The following DAG1 variants were observed in gnomAD, a reference collection of about 807,000 sequenced individuals.
DAG1 encodes dystroglycan 1 (dystrophin-associated glycoprotein 1).
DAG1 carries 8 observed loss-of-function variants against 46.1 expected under a neutral mutation model. The observed-to-expected ratio is 0.17, with a 90% confidence interval of 0.10 to 0.31. The LOEUF is 0.31. DAG1 is among the 10% of genes least tolerant of loss of function. The pLI is 1.00. For synonymous variants in DAG1, 495 were observed against 481.8 expected (o/e 1.03, Z -0.36); for missense variants, 1,003 against 1,189.9 (o/e 0.84, Z 2.31).
chr3:49,487,260 G>A (rs1484836645), intron 1 of DAG1: 1 of 152,170 alleles, frequency 6.6e-6, no homozygotes, highest in Non-Finnish European at 1.5e-5. Flanking sequence ...CTAGGCACAC[G>A]ACTGTCTATC....
At chr3:49,506,087 C>G (rs955970529) in intron 1 of DAG1, among the ~76,000 whole-genome samples, 3 of 150,404 alleles carry the variant, frequency 2.0e-5, no homozygotes, top group Non-Finnish European at 2.9e-5. Flanking sequence ...TCAAGCGATT[C>G]TCCTGCCTCA....
At chr3:49,498,696 TTTA>T (rs138073019) in intron 1 of DAG1, among the ~76,000 whole-genome samples, 5 of 149,462 alleles carry the variant, frequency 3.3e-5, no homozygotes, top group African/African-American at 4.9e-5. Context: ...TCCCATTTTC[TTTA>T]TTATTATTAT....
chr3:49,484,196 G>A (rs144937320), intron 1 of DAG1, among the ~76,000 whole-genome samples: 83 of 152,298 alleles, frequency 5.4e-4, no homozygotes, highest in African/African-American at 1.7e-3. Context: ...TGTCAGAAGG[G>A]TCAACAGTAT....
Position 49,531,176 on chromosome 3 carries a change from T to C in DAG1, c.665T>C (p.Leu222Pro). Residue 222 changes from leucine to proline, a missense_variant, in exon 3 of 3, where the codon CTT becomes CCT. Around this residue, in one of 3 missense-constraint regions of DAG1, gnomAD observed 52 missense variants for 96.7 expected, o/e 0.54. Coordinates refer to ENST00000308775, the MANE Select transcript of DAG1 (RefSeq NM_004393.6). This position sits in a 1 kb window ranked among gnomAD's most constrained non-coding sequence, Gnocchi z 7.0. ...HRMRSFSEVE[L>P]HNMKLVPVVN... ...ATGCGGAGCTTCTCAGAAGTAGAGCTTCACAACATGAAATTAGTGCCGGTG... is the reference window on the plus strand; with the variant it reads ...ATGCGGAGCTTCTCAGAAGTAGAGCCTCACAACATGAAATTAGTGCCGGTG... 1 of 1,614,172 alleles carries C rather than the reference T, an allele frequency of 6.2e-7. No homozygotes were observed. Among genetic ancestry groups the C allele is most frequent in the Non-Finnish European group, 8.5e-7 (1 of 1,180,032 alleles).
intron 1 of DAG1, chr3:49,488,499 TAGA>T (rs1214046904): frequency 1.3e-5 from 2 of 152,172 alleles, no homozygotes; most frequent in Non-Finnish European, 2.9e-5. Context: ...GCAAGATACT[TAGA>T]CATTTAGATG....
intron 2 of DAG1, among the ~76,000 whole-genome samples, chr3:49,526,883 ATAT>A (rs66518420): frequency 0.24 from 36,087 of 152,034 alleles, 4,557 homozygotes; most frequent in Middle Eastern, 0.29. Context: ...TTGTTACATA[ATAT>A]TAACATGTTT....
rs1215701001 is a variant in DAG1 at position 49,534,733 on chromosome 3, C to T, written c.*1534C>T. 3 of 152,638 alleles carry T rather than the reference C, an allele frequency of 2.0e-5. No individual in the cohort carries two copies. The highest frequency in any genetic ancestry group is 7.2e-5 in the African/African-American group (3 of 41,446). The allele number at this position is 152,638 out of a possible 1,614,324, so 9.5% of individuals were successfully genotyped here. ...TGACTCAGGGGCGCCCACTCTGCTTCGATTCTCCTCCTGTGGAAGAAACCA... is the reference window on the plus strand; with the variant it reads ...TGACTCAGGGGCGCCCACTCTGCTTTGATTCTCCTCCTGTGGAAGAAACCA... On this transcript the variant is annotated 3_prime_UTR_variant, in exon 3 of 3. Transcript: ENST00000308775.
chr3:49,512,457 TC>T lies in DAG1; in HGVS notation c.285+1639del, dbSNP rs1439858788. ...CCCAAGCTGGAATGCAATGACACAA[TC>T]TCAGCTCACTGCAACCTCCATCTCC... On this transcript the variant is annotated intron_variant, in intron 2 of 2. Coordinates refer to ENST00000308775, the MANE Select transcript of DAG1 (RefSeq NM_004393.6). Among the ~76,000 whole-genome samples the T allele has an allele frequency of 1.1e-4, 16 of 151,700 alleles. No individual in the cohort carries two copies. In the South Asian group the frequency reaches 1.3e-3, roughly 12 times the overall value.
chr3:49,532,584 C>T lies in DAG1; in HGVS notation c.2073C>T (p.Ala691=). The change falls in exon 3 of 3, where the codon GCC becomes GCT. Residue 691 remains alanine (A), a synonymous_variant. Transcript: ENST00000308775. The surrounding 1 kb of genome is among the most constrained non-coding windows in gnomAD (Gnocchi z 5.4). ...IAEDDGKPRP[A]FSNALEPDFK... The stretch of plus-strand genomic sequence containing the variant: ...AGGATGATGGAAAACCTCGGCCTGC[C>T]TTCTCCAACGCCCTAGAGCCTGACT... The T allele has an allele frequency of 6.2e-7, 1 of 1,612,312 alleles. No individual in the cohort carries two copies. Among genetic ancestry groups the T allele is most frequent in the Non-Finnish European group, 8.5e-7 (1 of 1,178,588 alleles).
At chr3:49,478,246 C>A (rs1193761989) in intron 1 of DAG1, among the ~76,000 whole-genome samples, 2 of 145,906 alleles carry the variant, frequency 1.4e-5, no homozygotes, top group African/African-American at 5.1e-5. Flanking sequence ...TGCACTCCAT[C>A]CTGGGCGATG....
chr3:49,493,733 G>A (rs1360668971), intron 1 of DAG1, among the ~76,000 whole-genome samples: 1 of 152,176 alleles, frequency 6.6e-6, no homozygotes, highest in African/African-American at 2.4e-5. Context: ...GAGCTAGTGG[G>A]GCCTAGCCCA....
intron 1 of DAG1, among the ~76,000 whole-genome samples, chr3:49,496,896 A>G (rs1309130519): frequency 1.3e-5 from 2 of 151,522 alleles, no homozygotes; most frequent in Non-Finnish European, 2.9e-5. Context: ...AAGTGTTGGG[A>G]TTATAGGTGT....
At chr3:49,517,007 TAA>T (rs764550359) in intron 2 of DAG1, among the ~76,000 whole-genome samples, 40 of 129,458 alleles carry the variant, frequency 3.1e-4, no homozygotes, top group Admixed American at 4.0e-4. Flanking sequence ...TTTTTTTTTT[TAA>T]TTGAGACGGA....
intron 1 of DAG1, among the ~76,000 whole-genome samples, chr3:49,503,996 T>TC (rs1487379388): frequency 4.6e-5 from 7 of 151,962 alleles, no homozygotes; most frequent in Middle Eastern, 3.2e-3. Flanking sequence ...GTTACCCAGT[T>TC]CCCCCCATGG....
chr3:49,499,777 T>C (rs2050398001), intron 1 of DAG1, among the ~76,000 whole-genome samples: 1 of 152,160 alleles, frequency 6.6e-6, no homozygotes, highest in South Asian at 2.1e-4. Flanking sequence ...AGTGGGATCC[T>C]TACCTGCTGA....
chr3:49,508,536 C>A (rs2050673386), intron 1 of DAG1, among the ~76,000 whole-genome samples: 3 of 152,094 alleles, frequency 2.0e-5, no homozygotes, highest in African/African-American at 7.2e-5. Context: ...GTAGCTGCGA[C>A]TTCAGGCGTG....
At chr3:49,479,336 G>C (rs1251118794) in intron 1 of DAG1, among the ~76,000 whole-genome samples, 3 of 147,648 alleles carry the variant, frequency 2.0e-5, no homozygotes, top group Non-Finnish European at 4.5e-5. Flanking sequence ...TTGAGACAGA[G>C]TCTCTCTCTG....
intron 2 of DAG1, among the ~76,000 whole-genome samples, chr3:49,521,739 T>C (rs1233762815): frequency 6.6e-6 from 1 of 152,200 alleles, no homozygotes; most frequent in Admixed American, 6.5e-5. Context: ...AGGGCATCAG[T>C]AAAGCAGCTG....
At chr3:49,481,416 A>G (rs1222621168) in intron 1 of DAG1, among the ~76,000 whole-genome samples, 2 of 139,248 alleles carry the variant, frequency 1.4e-5, no homozygotes, top group African/African-American at 5.3e-5. Flanking sequence ...AAAAAAAAAA[A>G]GTGAATTGTG....
Sources: gnomAD v4.1 joint callset for allele counts (sites outside exome capture counted in the v4.1 genomes callset) on GRCh38, gnomAD v4.1.1 for gene constraint, gnomAD v4.1.1 regional missense constraint, Gnocchi (gnomAD v3.1) non-coding constraint, MANE v1.5 for transcripts, NCBI Gene and HGNC (gene_info 2026-07-23, HGNC 2026-07-21) for gene names.